Variants in MOCS1 observed in about 807,000 individuals in gnomAD.
MOCS1 encodes molybdenum cofactor biosynthesis protein 1.
In MOCS1, 39 loss-of-function variants were observed where a neutral mutation model predicts 57.6. The ratio of observed to expected loss-of-function variants is 0.68; its 90% CI spans 0.52 to 0.88. The LOEUF (loss-of-function observed/expected upper bound fraction) is 0.88, where lower values mean the gene tolerates loss of function less well. Ranked by LOEUF, MOCS1 falls within the 40% of genes least tolerant of loss-of-function variation. MOCS1 has a pLI of 0.00. For synonymous variants in MOCS1, 334 were observed against 335.7 expected (o/e 1.00, Z 0.05); for missense variants, 795 against 831.1 (o/e 0.96, Z 0.53).
chr6:39,904,501 T>C lies in MOCS1; in HGVS notation c.*1856A>G, dbSNP rs1425058450. On this transcript the variant is annotated 3_prime_UTR_variant, in exon 11 of 11. Transcript: ENST00000340692. ...CCACCTTTAGATAAGTTTCTCTAGC[T>C]AATTTTGTGGCCAATGTAAAATTCG... is the stretch of plus-strand genomic sequence containing the variant. 2.2e-6 allele frequency: 1 copy of C among 454,416 alleles called. No individual in the cohort carries two copies. The highest frequency in any genetic ancestry group is 2.3e-5 in the Admixed American group (1 of 42,588). 28.1% of individuals were successfully genotyped at this position (454,416 alleles called of 1,614,324 possible).
intron 3 of MOCS1, among the ~76,000 whole-genome samples, chr6:39,919,062 G>A (rs1767819969): frequency 6.6e-6 from 1 of 152,186 alleles, no homozygotes; most frequent in South Asian, 2.1e-4. Flanking sequence ...GGCAAAGAAT[G>A]CGAGTAGATA....
At chr6:39,928,770 G>A (rs965128857) in intron 1 of MOCS1, among the ~76,000 whole-genome samples, 3 of 152,164 alleles carry the variant, frequency 2.0e-5, no homozygotes, top group Non-Finnish European at 4.4e-5. Context: ...TAAAGACAGG[G>A]GTGGAGTGGT....
rs560292362 is a variant in MOCS1, at chr6:39,927,337, T to C, written c.242A>G (p.Asn81Ser). ...YLRISLTEKC[N>S]LRCQYCMPEE... is the part of the protein sequence containing the mutation. The stretch of plus-strand genomic sequence containing the variant: ...CCAGGAAGGTGACTCACATCTGAGG[T>C]TGCACTTCTCTGTGAGGGAGATCCG... The change falls in exon 2 of 11, where the codon AAC becomes AGC. Residue 81 changes from asparagine to serine, a missense_variant. Coordinates refer to ENST00000340692, the MANE Select transcript of MOCS1 (RefSeq NM_001358530.2). 1 of 1,611,078 alleles carries C rather than the reference T, an allele frequency of 6.2e-7. No individual in the cohort carries two copies. Among genetic ancestry groups the C allele is most frequent in the African/African-American group, 1.3e-5 (1 of 74,970 alleles).
chr6:39,931,631 C>G (rs1324656494), intron 1 of MOCS1, among the ~76,000 whole-genome samples: 1 of 151,776 alleles, frequency 6.6e-6, no homozygotes, highest in South Asian at 2.1e-4. Flanking sequence ...GTCAAGATGA[C>G]CTCCTGAAAG....
chr6:39,922,445 T>A (rs1236016658), intron 3 of MOCS1, among the ~76,000 whole-genome samples: 2 of 152,146 alleles, frequency 1.3e-5, no homozygotes, highest in Non-Finnish European at 2.9e-5. Flanking sequence ...TCGTTAGTGT[T>A]CGTGTATTTT....
At chr6:39,932,065 T>C (rs552848751) in intron 1 of MOCS1, among the ~76,000 whole-genome samples, 116 of 152,144 alleles carry the variant, frequency 7.6e-4, no homozygotes, top group African/African-American at 2.7e-3. Flanking sequence ...TCCGCAATCC[T>C]CACAGCCAGC....
intron 2 of MOCS1, among the ~76,000 whole-genome samples, chr6:39,926,581 G>A (rs1461662463): frequency 4.7e-5 from 7 of 150,416 alleles, no homozygotes; most frequent in Non-Finnish European, 1.0e-4. Flanking sequence ...TGAGACTGAA[G>A]AGAATAAGTA....
intron 1 of MOCS1, among the ~76,000 whole-genome samples, chr6:39,930,432 A>G (rs1235637160): frequency 6.6e-6 from 1 of 152,132 alleles, no homozygotes; most frequent in Non-Finnish European, 1.5e-5. Flanking sequence ...CAGTATCCCC[A>G]GTGTCTAGCA....
chr6:39,915,760 G>A (rs1010333354), intron 4 of MOCS1, among the ~76,000 whole-genome samples: 1 of 152,020 alleles, frequency 6.6e-6, no homozygotes, highest in Non-Finnish European at 1.5e-5. Context: ...TGACCAACTC[G>A]GCCCAGTTTG....
chr6:39,928,015 G>A (rs1768436712), intron 1 of MOCS1, among the ~76,000 whole-genome samples: 2 of 152,106 alleles, frequency 1.3e-5, no homozygotes, highest in South Asian at 4.1e-4. Context: ...CAAGGAAGTA[G>A]CATTTACCAA....
intron 10 of MOCS1, 100 bp downstream of exon 10, chr6:39,908,955 G>C: frequency 1.0e-6 from 1 of 973,706 alleles, no homozygotes; most frequent in Non-Finnish European, 1.7e-6. Context: ...TGAGAAATCA[G>C]CATGAAATGC....
intron 4 of MOCS1, among the ~76,000 whole-genome samples, chr6:39,914,403 T>C (rs1767534311): frequency 6.6e-6 from 1 of 152,248 alleles, no homozygotes; most frequent in Non-Finnish European, 1.5e-5. Flanking sequence ...CAGTGTTTTT[T>C]CCTCAACAGT....
At chr6:39,929,185 C>T (rs191650669) in intron 1 of MOCS1, among the ~76,000 whole-genome samples, 6 of 152,310 alleles carry the variant, frequency 3.9e-5, no homozygotes, top group Admixed American at 2.6e-4. Context: ...AGAAGCCCTG[C>T]TCACCATCCT....
At chr6:39,915,518 G>A (rs1767606307) in intron 4 of MOCS1, among the ~76,000 whole-genome samples, 2 of 152,178 alleles carry the variant, frequency 1.3e-5, no homozygotes, top group South Asian at 2.1e-4. Flanking sequence ...CCCAGAGCTC[G>A]AGGCTGGCTC....
At position 39,934,408 on chromosome 6, in the gene MOCS1, GCGC is replaced by G; in HGVS notation, c.7_9del (p.Ala3del). On this transcript the variant is annotated inframe_deletion, in exon 1 of 11. Transcript: ENST00000340692. Reference sequence around the variant, plus strand: ...CGCCGCAGCATCCGGGACAGTGGCCGCGCCGCCATGAAGCCTGATACGAGCGGA... The same window carrying G: ...CGCCGCAGCATCCGGGACAGTGGCCGCGCCATGAAGCCTGATACGAGCGGA... 1 of 1,566,196 alleles carries G rather than the reference GCGC, an allele frequency of 6.4e-7. No individual in the cohort carries two copies. Among genetic ancestry groups the G allele is most frequent in the Non-Finnish European group, 8.6e-7 (1 of 1,161,342 alleles).
At chr6:39,927,800 G>A in intron 1 of MOCS1, 1 of 1,366,512 alleles carries the variant, frequency 7.3e-7, no homozygotes, top group Non-Finnish European at 9.6e-7. Context: ...AAAGGATTGT[G>A]CACCCATGGT....
chr6:39,927,062 C>A, intron 2 of MOCS1: 1 of 437,422 alleles, frequency 2.3e-6, no homozygotes. Context: ...ATGAGAGGTC[C>A]AGGATCCAAT....
Position 39,906,521 on chromosome 6 carries a change from C to T in MOCS1, c.1747G>A (p.Ala583Thr). Residue 583 changes from alanine (A) to threonine (T), a missense_variant, in exon 11 of 11, where the codon GCT becomes ACT. This residue lies in a region of MOCS1 where 374 missense variants were observed against 422.6 expected (regional missense o/e 0.89). Coordinates refer to ENST00000340692, the MANE Select transcript of MOCS1 (RefSeq NM_001358530.2). ...HAVKIQASCR[A>T]RGPTGVEMEA... ...ATCTCCACCCCGGTGGGGCCCCGAG[C>T]CCGGCAAGATGCCTGGATCTTCACG... The T allele has an allele frequency of 1.2e-6, 2 of 1,613,916 alleles. No individual in the cohort carries two copies. Among genetic ancestry groups the T allele is most frequent in the Non-Finnish European group, 1.7e-6 (2 of 1,180,042 alleles).
In MOCS1 at chr6:39,926,025, C is replaced by T. The variant is rs560250683; in HGVS notation, c.251-180G>A. On this transcript the variant is annotated intron_variant, in intron 2 of 10. Transcript: ENST00000340692. ...CAGGCCAGCATCTCCCCAGGCCTCA[C>T]CTTTCTCATTTCTGAAACGTTAACA... 5.3e-5 allele frequency among the ~76,000 whole-genome samples: 8 copies of T among 152,332 alleles called. No homozygotes were observed. The South Asian group carries it at 1.7e-3, about 32-fold the overall frequency.
Sources: allele counts gnomAD v4.1 joint callset (sites outside exome capture counted in the v4.1 genomes callset), GRCh38; gene constraint gnomAD v4.1.1; regional missense constraint gnomAD v4.1.1; transcripts MANE v1.5; gene names NCBI Gene and HGNC (gene_info 2026-07-23, HGNC 2026-07-21).